Variants in TWIST2 observed in about 807,000 individuals in gnomAD.
The protein encoded by TWIST2 is twist-related protein 2.
TWIST2 carries 1 observed loss-of-function variant against 11.6 expected under a neutral mutation model. The observed-to-expected ratio is 0.09, with a 90% CI of 0.03 to 0.41. The LOEUF is 0.41. TWIST2 is among the 10% of genes least tolerant of loss of function. The pLI, the probability that TWIST2 is intolerant of heterozygous loss-of-function variation, is 0.98. For missense variants in TWIST2, 168 were observed against 226.4 expected, an observed-to-expected ratio of 0.74 and a Z score of 1.66; for synonymous variants, 87 against 96.6, an observed-to-expected ratio of 0.90 and a Z score of 0.58.
In TWIST2 at chr2:238,866,224, C is replaced by G. The variant is rs1214576852; in HGVS notation, c.*35+17491C>G. Among the ~76,000 whole-genome samples, 1 of 152,220 alleles carries G rather than the reference C, an allele frequency of 6.6e-6. No individual in the cohort carries two copies. The highest frequency in any genetic ancestry group is 6.5e-5 in the Admixed American group (1 of 15,294). Reference sequence around the variant, plus strand: ...CTGCCTGCTCTTCTGTGAGCTGCCTCTGAGCCCTGGGCACCCTCCATGGCG... The same window carrying G: ...CTGCCTGCTCTTCTGTGAGCTGCCTGTGAGCCCTGGGCACCCTCCATGGCG... On this transcript the variant is annotated intron_variant, in intron 1 of 1. Coordinates refer to ENST00000612363, the MANE Select transcript of TWIST2 (RefSeq NM_001271893.4). This position sits in a 1 kb window ranked among gnomAD's most constrained non-coding sequence, Gnocchi z 4.9.
intron 1 of TWIST2, among the ~76,000 whole-genome samples, chr2:238,887,856 A>G (rs899749929): frequency 6.6e-6 from 1 of 151,514 alleles, no homozygotes; most frequent in Admixed American, 6.6e-5. Context: ...TGCTGCATGA[A>G]CCTCCTGAGA....
intron 1 of TWIST2, among the ~76,000 whole-genome samples, chr2:238,855,599 C>T (rs547820446): frequency 1.1e-4 from 17 of 152,254 alleles, no homozygotes; most frequent in East Asian, 5.8e-4. Flanking sequence ...TGTTTCCTAC[C>T]GCTTCCCCCA....
intron 1 of TWIST2, among the ~76,000 whole-genome samples, chr2:238,885,868 C>T (rs1297108717): frequency 1.3e-5 from 2 of 152,100 alleles, no homozygotes; most frequent in East Asian, 3.9e-4. Flanking sequence ...CTCCAGTCTG[C>T]ACCCCCAGAG....
At chr2:238,891,175 AG>A (rs1435383683) in intron 1 of TWIST2, among the ~76,000 whole-genome samples, 1 of 152,230 alleles carries the variant, frequency 6.6e-6, no homozygotes, top group Non-Finnish European at 1.5e-5. Context: ...AGTCTGATGC[AG>A]GAGATCTCGA....
chr2:238,855,479 T>G (rs531080893), intron 1 of TWIST2, among the ~76,000 whole-genome samples: 46 of 152,350 alleles, frequency 3.0e-4, no homozygotes, highest in African/African-American at 1.1e-3. Context: ...CCGCCTGGCT[T>G]TCCTCTCGTT....
chr2:238,905,486 C>G (rs940871893), intron 1 of TWIST2, among the ~76,000 whole-genome samples: 3 of 152,168 alleles, frequency 2.0e-5, no homozygotes, highest in Admixed American at 2.0e-4. Flanking sequence ...CGGAGGCTCT[C>G]GGTCAAGAAG....
rs141383935 is a variant in TWIST2, at chr2:238,864,342, G to C, written c.*35+15609G>C. On this transcript the variant is annotated intron_variant, in intron 1 of 1. Coordinates refer to ENST00000612363, the MANE Select transcript of TWIST2 (RefSeq NM_001271893.4). The surrounding 1 kb of genome is among the most constrained non-coding windows in gnomAD (Gnocchi z 4.7). ...TGCTGTAGAGACATAAAGAAACCAA[G>C]AGGTTAACTGCCAGGGTTAGTCCCC... Among the ~76,000 whole-genome samples the C allele has an allele frequency of 0.013, 1,996 of 152,368 alleles. 15 individuals carry two copies. The highest frequency in any genetic ancestry group is 0.021 in the Non-Finnish European group (1,436 of 68,036).
rs572293459 is a variant in TWIST2, at chr2:238,877,101, G to A, written c.*35+28368G>A. Among the ~76,000 whole-genome samples, 274 of 152,240 alleles carry A rather than the reference G, an allele frequency of 1.8e-3. 1 individual carries two copies. The highest frequency in any genetic ancestry group is 2.8e-3 in the Non-Finnish European group (189 of 68,012). ...GGTCCCAGCTACTCAGGAGGCTGACGCAGGAGAATTGCTTGAGCCCAGGAG... is the reference window on the plus strand; with the variant it reads ...GGTCCCAGCTACTCAGGAGGCTGACACAGGAGAATTGCTTGAGCCCAGGAG... On this transcript the variant is annotated intron_variant, in intron 1 of 1. Transcript: ENST00000612363.
rs1200276579 is a variant in TWIST2, at chr2:238,867,110, G to C, written c.*35+18377G>C. Among the ~76,000 whole-genome samples, 2 of 152,196 alleles carry C rather than the reference G, an allele frequency of 1.3e-5. No individual in the cohort carries two copies. Among genetic ancestry groups the C allele is most frequent in the Admixed American group, 6.5e-5 (1 of 15,278 alleles). On this transcript the variant is annotated intron_variant, in intron 1 of 1. Coordinates refer to ENST00000612363, the MANE Select transcript of TWIST2 (RefSeq NM_001271893.4). The surrounding 1 kb of genome is among the most constrained non-coding windows in gnomAD (Gnocchi z 4.8). ...TCTTGTGTTTGCCCCAAACAGAGGA[G>C]CCAGCCTCTTGTTTCGAGGGCCTTT...
chr2:238,857,932 A>G (rs1248523179), intron 1 of TWIST2, among the ~76,000 whole-genome samples: 8 of 152,238 alleles, frequency 5.3e-5, no homozygotes, highest in Middle Eastern at 3.4e-3. Flanking sequence ...GCGAGATTTC[A>G]TCTCAAAACA....
intron 1 of TWIST2, among the ~76,000 whole-genome samples, chr2:238,854,902 G>C (rs1361480827): frequency 6.9e-6 from 1 of 145,474 alleles, no homozygotes; most frequent in Admixed American, 6.8e-5. Context: ...CAAGCAGGCA[G>C]CGTTTTCTTT....
chr2:238,882,571 C>T (rs970858055), intron 1 of TWIST2, among the ~76,000 whole-genome samples: 32 of 152,082 alleles, frequency 2.1e-4, no homozygotes, highest in African/African-American at 1.4e-4. Context: ...ACCTTGACTC[C>T]GATTGGCCTC....
intron 1 of TWIST2, among the ~76,000 whole-genome samples, chr2:238,868,326 G>A (rs781752424): frequency 1.7e-4 from 26 of 152,138 alleles, no homozygotes; most frequent in Non-Finnish European, 2.8e-4. Context: ...GGAGCCCCCC[G>A]CCCCCCAGCC....
chr2:238,859,664 T>C (rs1475081232), intron 1 of TWIST2, among the ~76,000 whole-genome samples: 1 of 152,146 alleles, frequency 6.6e-6, no homozygotes, highest in Non-Finnish European at 1.5e-5. Context: ...GGGCTAAGCG[T>C]TCACCCATCC....
intron 1 of TWIST2, among the ~76,000 whole-genome samples, chr2:238,902,673 G>A (rs1292314012): frequency 6.8e-5 from 10 of 146,374 alleles, no homozygotes; most frequent in African/African-American, 2.5e-4. Flanking sequence ...TGTGTGTGAT[G>A]TGGGGTGTGT....
Position 238,899,101 on chromosome 2 carries a change from T to C in TWIST2, c.*36-10741T>C, listed in dbSNP as rs953099151. Among the ~76,000 whole-genome samples the C allele has an allele frequency of 2.4e-4, 37 of 152,260 alleles. 1 individual carries two copies. The highest frequency in any genetic ancestry group is 1.4e-3 in the South Asian group (7 of 4,836). On this transcript the variant is annotated intron_variant, in intron 1 of 1. Coordinates refer to ENST00000612363, the MANE Select transcript of TWIST2 (RefSeq NM_001271893.4). ...TTTGCTGTTGGTATTTACAGCCCTG[T>C]CCATCATCTATCCGGTCCTGGCCTC...
At chr2:238,879,549 C>G (rs1692868513) in intron 1 of TWIST2, among the ~76,000 whole-genome samples, 3 of 152,208 alleles carry the variant, frequency 2.0e-5, no homozygotes. Flanking sequence ...CCCTTCCTTG[C>G]TCTGCCCCAC....
chr2:238,854,716 G>A (rs1692299264), intron 1 of TWIST2, among the ~76,000 whole-genome samples: 1 of 152,210 alleles, frequency 6.6e-6, no homozygotes, highest in Admixed American at 6.5e-5. Flanking sequence ...CCCTGCTGAA[G>A]GGTGGAGAGA....
intron 1 of TWIST2, among the ~76,000 whole-genome samples, chr2:238,897,072 A>G (rs1693215330): frequency 1.3e-5 from 2 of 152,296 alleles, no homozygotes; most frequent in African/African-American, 4.8e-5. Flanking sequence ...ATTTGCTTTC[A>G]AGAGAGAACA....
Sources: gnomAD v4.1 joint callset for allele counts (sites outside exome capture counted in the v4.1 genomes callset) on GRCh38, gnomAD v4.1.1 for gene constraint, Gnocchi (gnomAD v3.1) non-coding constraint, MANE v1.5 for transcripts, NCBI Gene and HGNC (gene_info 2026-07-23, HGNC 2026-07-21) for gene names.